ALDH2: variants seen among roughly 807,000 people sequenced by gnomAD.
The protein encoded by ALDH2 is aldehyde dehydrogenase 2 family member.
A neutral mutation model predicts 59.6 loss-of-function variants in ALDH2; 44 were observed. The ratio of observed to expected loss-of-function variants is 0.74; its 90% CI spans 0.58 to 0.95. ALDH2 has a LOEUF of 0.95. ALDH2 is among the 40% of genes least tolerant of loss of function. ALDH2 has a pLI of 0.00. For synonymous variants in ALDH2, 291 were observed against 284.0 expected, an observed-to-expected ratio of 1.02 and a Z score of -0.25; for missense variants, 570 against 696.3, an observed-to-expected ratio of 0.82 and a Z score of 2.04.
chr12:111,788,711 A>G (rs2068331490), intron 4 of ALDH2, among the ~76,000 whole-genome samples: 1 of 152,132 alleles, frequency 6.6e-6, no homozygotes, highest in African/African-American at 2.4e-5. Flanking sequence ...GTTCAAACCC[A>G]GGTCACTAGC....
intron 1 of ALDH2, chr12:111,775,654 TA>T (rs904751570): frequency 2.2e-6 from 1 of 455,826 alleles, no homozygotes; most frequent in Admixed American, 2.4e-5. Flanking sequence ...CTGGAAACTA[TA>T]AAGAGGAAGT....
At chr12:111,779,909 G>T (rs1221561949) in intron 1 of ALDH2, among the ~76,000 whole-genome samples, 1 of 152,120 alleles carries the variant, frequency 6.6e-6, no homozygotes, top group Non-Finnish European at 1.5e-5. Context: ...TTTATTTTTT[G>T]AGACGGAGTT....
chr12:111,806,240 C>T (rs1458371321), intron 12 of ALDH2, among the ~76,000 whole-genome samples: 3 of 151,604 alleles, frequency 2.0e-5, no homozygotes, highest in South Asian at 2.1e-4. Context: ...TGGCGTGAAC[C>T]CAGTGGGTGG....
At chr12:111,771,663 TAGAC>T (rs1472419566) in intron 1 of ALDH2, among the ~76,000 whole-genome samples, 3 of 152,216 alleles carry the variant, frequency 2.0e-5, no homozygotes, top group Non-Finnish European at 4.4e-5. Flanking sequence ...TGTATGTAGA[TAGAC>T]AGATCTCCAT....
intron 11 of ALDH2, 112 bp from the exon 12 acceptor site, chr12:111,803,747 A>AAT: frequency 1.6e-5 from 10 of 623,760 alleles, no homozygotes; most frequent in Non-Finnish European, 2.1e-5. Flanking sequence ...AAAAAAAAAA[A>AAT]TTTTTTTTTA....
intron 10 of ALDH2, among the ~76,000 whole-genome samples, chr12:111,798,963 C>T (rs1230198131): frequency 2.0e-5 from 3 of 151,182 alleles, no homozygotes; most frequent in African/African-American, 4.9e-5. Flanking sequence ...GAGCCGAGAT[C>T]GCGCCACTGC....
intron 4 of ALDH2, among the ~76,000 whole-genome samples, chr12:111,786,363 A>G (rs536279436): frequency 5.9e-5 from 9 of 152,008 alleles, no homozygotes; most frequent in African/African-American, 1.9e-4. Context: ...CAGCCTCCTG[A>G]GTAGCTGGGA....
At chr12:111,804,597 AT>A (rs2068479046) in intron 12 of ALDH2, among the ~76,000 whole-genome samples, 1 of 152,268 alleles carries the variant, frequency 6.6e-6, no homozygotes, top group South Asian at 2.1e-4. Context: ...AAATACAAAA[AT>A]TAGCCAGGTG....
chr12:111,771,711 T>C (rs1289662680), intron 1 of ALDH2, among the ~76,000 whole-genome samples: 1 of 152,132 alleles, frequency 6.6e-6, no homozygotes, highest in African/African-American at 2.4e-5. Context: ...GAAGGAAAAT[T>C]CTCCTTGGTG....
At position 111,767,096 on chromosome 12, in the gene ALDH2, G is replaced by A; in HGVS notation, c.114G>A (p.Gln38=). ...PNQQPEVFCN[Q]IFINNEWHDA... ...AGCAGCCCGAGGTCTTCTGCAACCAGGTGAGCCCACCGGCCGGGCTCGCGC... is the reference window on the plus strand; with the variant it reads ...AGCAGCCCGAGGTCTTCTGCAACCAAGTGAGCCCACCGGCCGGGCTCGCGC... Residue 38 remains glutamine, a splice_region_variant and synonymous_variant, in exon 1 of 13, where the codon CAG becomes CAA. Transcript: ENST00000261733. 1 of 1,496,722 alleles carries A rather than the reference G, an allele frequency of 6.7e-7. No individual in the cohort carries two copies. The highest frequency in any genetic ancestry group is 8.8e-7 in the Non-Finnish European group (1 of 1,130,408). 92.7% of individuals were successfully genotyped at this position (1,496,722 alleles called of 1,614,324 possible).
rs1001507906 is a variant in ALDH2, at chr12:111,783,313, C to T, written c.360+15C>T. ...CCTACCTGGCGGTGAGTCCTCAGCC[C>T]TTCTCCCCCTCAGATCCCATGTGGT... On this transcript the variant is annotated intron_variant, in intron 3 of 12. Transcript: ENST00000261733. 1.9e-6 allele frequency: 3 copies of T among 1,589,488 alleles called. No individual in the cohort carries two copies. In the African/African-American group the frequency reaches 4.0e-5, roughly 21 times the overall value.
At position 111,817,330 on chromosome 12, in the gene ALDH2, G is replaced by C. The variant is rs1339434965; in HGVS notation, c.*7755G>C. The C allele has an allele frequency of 6.6e-6, 1 of 152,238 alleles. No individual in the cohort carries two copies. 9.4% of individuals were successfully genotyped at this position (152,238 alleles called of 1,614,324 possible). ...TGCAAAGCAGGTGTGGTAGCCCAAG[G>C]CTGGGACAGATTAACAGGAATCCAT... is the stretch of plus-strand genomic sequence containing the variant. On this transcript the variant is annotated 3_prime_UTR_variant, in exon 13 of 13. Transcript: ENST00000261733.
chr12:111,806,117 T>C (rs1267377286), intron 12 of ALDH2, among the ~76,000 whole-genome samples: 7 of 150,958 alleles, frequency 4.6e-5, no homozygotes, highest in Non-Finnish European at 8.8e-5. Flanking sequence ...ATCGAGACCA[T>C]CCTGGCTAAC....
Position 111,812,032 on chromosome 12 carries a change from T to G in ALDH2, c.*2457T>G, listed in dbSNP as rs1185276458. ...GACAGGTAAGGTCACGTGGGTCACGTGTCCACTGGACAGGGGGCCCTTCCC... is the reference window on the plus strand; with the variant it reads ...GACAGGTAAGGTCACGTGGGTCACGGGTCCACTGGACAGGGGGCCCTTCCC... On this transcript the variant is annotated 3_prime_UTR_variant, in exon 13 of 13. Coordinates refer to ENST00000261733, the MANE Select transcript of ALDH2 (RefSeq NM_000690.4). The G allele has an allele frequency of 6.5e-6, 1 of 154,198 alleles. No homozygotes were observed. The highest frequency in any genetic ancestry group is 1.9e-4 in the East Asian group (1 of 5,290). 9.6% of individuals were successfully genotyped at this position (154,198 alleles called of 1,614,324 possible).
At chr12:111,792,924 C>T in intron 9 of ALDH2, 142 bp downstream of exon 9, 2 of 943,040 alleles carry the variant, frequency 2.1e-6, no homozygotes, top group Non-Finnish European at 3.1e-6. Flanking sequence ...AAGCTATGTT[C>T]CCTCCCTCAG....
chr12:111,796,640 C>T (rs926921965), intron 9 of ALDH2, among the ~76,000 whole-genome samples: 1 of 152,058 alleles, frequency 6.6e-6, no homozygotes, highest in Admixed American at 6.6e-5. Context: ...TGGTGGCTAA[C>T]CCCTGTAGTC....
Position 111,809,682 on chromosome 12 carries a change from T to A in ALDH2, c.*107T>A. The A allele has an allele frequency of 7.8e-7, 1 of 1,281,756 alleles. No homozygotes were observed. Among genetic ancestry groups the A allele is most frequent in the Non-Finnish European group, 1.1e-6 (1 of 903,580 alleles). The allele number at this position is 1,281,756 out of a possible 1,614,324, so 79.4% of individuals were successfully genotyped here. A position where few individuals can be genotyped will look rare whatever the true frequency, so the allele number is the denominator to read the frequency against. On this transcript the variant is annotated 3_prime_UTR_variant, in exon 13 of 13. Transcript: ENST00000261733. ...GTGCTGAATATCTGAAAAGAGAAAT[T>A]TTTCCTACAAAATCTCTTGGGTCAA...
chr12:111,770,012 C>T (rs537213711), intron 1 of ALDH2, among the ~76,000 whole-genome samples: 71 of 152,078 alleles, frequency 4.7e-4, no homozygotes, highest in African/African-American at 8.9e-4. Context: ...GGCATGGTGG[C>T]GCGCACCTGT....
intron 11 of ALDH2, 28 bp downstream of exon 11, chr12:111,800,091 AC>A: frequency 1.9e-6 from 3 of 1,587,616 alleles, no homozygotes; most frequent in Non-Finnish European, 2.6e-6. Context: ...GCCCCTCACA[AC>A]CCAACAGAGA....
Sources: gnomAD v4.1 joint callset for allele counts (sites outside exome capture counted in the v4.1 genomes callset) on GRCh38, gnomAD v4.1.1 for gene constraint, MANE v1.5 for transcripts, NCBI Gene and HGNC (gene_info 2026-07-23, HGNC 2026-07-21) for gene names.